Variants in RTN4 observed in about 807,000 individuals in gnomAD.
The protein encoded by RTN4 is reticulon 4.
RTN4 carries 32 observed loss-of-function variants against 90.4 expected under a neutral mutation model. The ratio of observed to expected loss-of-function variants is 0.35; its 90% CI spans 0.27 to 0.48. The LOEUF is 0.48. Among genes scored for constraint, RTN4 ranks in the 20% least tolerant of loss-of-function variants. The probability of loss-of-function intolerance (pLI) is 0.99; values close to 1 mark genes in which losing one functional copy is unlikely to be tolerated. For missense variants in RTN4, 1,706 were observed against 1,430.2 expected (o/e 1.19, Z -3.11); for synonymous variants, 629 against 552.5 (o/e 1.14, Z -1.94).
At chr2:55,074,105 C>G (rs1668560441) in intron 2 of RTN4, among the ~76,000 whole-genome samples, 1 of 152,176 alleles carries the variant, frequency 6.6e-6, no homozygotes, top group African/African-American at 2.4e-5. Context: ...GTCTCAGACA[C>G]CCATGTTTGA....
the RTN4 span, among the ~76,000 whole-genome samples, chr2:55,133,332 G>A: frequency 1.4e-5 from 2 of 140,926 alleles, no homozygotes; most frequent in African/African-American, 2.4e-5. Context: ...TGGAGAATGC[G>A]GTGTTGTCTT....
chr2:55,051,654 G>A (rs1206754633), upstream of RTN4, among the ~76,000 whole-genome samples: 1 of 152,182 alleles, frequency 6.6e-6, no homozygotes, highest in African/African-American at 2.4e-5. Flanking sequence ...GTACCTGACA[G>A]GTACTGGCTA....
intron 3 of RTN4, among the ~76,000 whole-genome samples, chr2:55,003,867 A>G (rs1029703070): frequency 1.6e-4 from 25 of 152,268 alleles, no homozygotes; most frequent in Admixed American, 1.4e-3. Context: ...ACCATTTTAT[A>G]TAAGAGACGT....
intron 3 of RTN4, among the ~76,000 whole-genome samples, chr2:55,021,790 C>A (rs1031482334): frequency 6.6e-6 from 1 of 152,078 alleles, no homozygotes; most frequent in Non-Finnish European, 1.5e-5. Context: ...CCTCAGGTCA[C>A]CTATATTGTT....
chr2:55,111,276 T>G (rs1668034163), intron 1 of RTN4, among the ~76,000 whole-genome samples: 1 of 152,064 alleles, frequency 6.6e-6, no homozygotes, highest in African/African-American at 2.4e-5. Flanking sequence ...CTTCCGAGAT[T>G]TTAAAAACAG....
intron 1 of RTN4, among the ~76,000 whole-genome samples, chr2:55,096,186 C>T (rs1212888434): frequency 6.6e-6 from 1 of 152,178 alleles, no homozygotes; most frequent in East Asian, 1.9e-4. Flanking sequence ...ATTAGCTGGG[C>T]GTGGTGGCGC....
chr2:54,994,861 A>C, intron 3 of RTN4, among the ~76,000 whole-genome samples: 1 of 152,370 alleles, frequency 6.6e-6, no homozygotes, highest in Middle Eastern at 3.4e-3. Context: ...GTGAAATGAC[A>C]TGTAACAGAA....
chr2:54,994,480 C>T (rs1679264145), intron 3 of RTN4, among the ~76,000 whole-genome samples: 1 of 152,188 alleles, frequency 6.6e-6, no homozygotes, highest in Admixed American at 6.5e-5. Flanking sequence ...ACAAAAACCA[C>T]ATGATCATCC....
At chr2:55,015,036 G>C (rs769108975) in intron 3 of RTN4, among the ~76,000 whole-genome samples, 15 of 152,246 alleles carry the variant, frequency 9.9e-5, no homozygotes, top group Admixed American at 2.0e-4. Context: ...TCATCTGTTA[G>C]TGCAAAACGA....
intron 2 of RTN4, among the ~76,000 whole-genome samples, chr2:55,063,035 G>GT (rs1179238686): frequency 6.6e-6 from 1 of 152,124 alleles, no homozygotes; most frequent in East Asian, 1.9e-4. Context: ...AGAAGCCTAG[G>GT]TCTCTTATGA....
At position 54,973,883 on chromosome 2, in the gene RTN4, T is replaced by C. The variant is rs199971209; in HGVS notation, c.3431-16A>G. 98 of 1,607,200 alleles carry C rather than the reference T, an allele frequency of 6.1e-5. No homozygotes were observed. Among genetic ancestry groups the C allele is most frequent in the Non-Finnish European group, 7.3e-5 (86 of 1,176,404 alleles). On this transcript the variant is annotated splice_polypyrimidine_tract_variant and intron_variant, in intron 6 of 8. Transcript: ENST00000337526. ...GAAATGAGAGCTGAAAAGGGAAATA[T>C]ACAACTTTTCAAAAAGAACGGAATG...
chr2:55,069,681 C>T (rs894788163), intron 2 of RTN4, among the ~76,000 whole-genome samples: 2 of 152,190 alleles, frequency 1.3e-5, no homozygotes, highest in African/African-American at 4.8e-5. Flanking sequence ...TAGAAGCTGG[C>T]AGATAAGCAG....
chr2:55,003,437 C>T (rs1485298633), intron 3 of RTN4, among the ~76,000 whole-genome samples: 3 of 152,048 alleles, frequency 2.0e-5, no homozygotes, highest in Admixed American at 6.6e-5. Context: ...GCAGCTGAAT[C>T]AAACAAACTT....
chr2:55,077,478 G>A (rs1668623722), intron 2 of RTN4, among the ~76,000 whole-genome samples: 1 of 152,154 alleles, frequency 6.6e-6, no homozygotes, highest in African/African-American at 2.4e-5. Flanking sequence ...AGATGTTAGT[G>A]TGGATGTGGT....
At chr2:55,048,010 A>G (rs1271966431) in intron 1 of RTN4, among the ~76,000 whole-genome samples, 2 of 152,210 alleles carry the variant, frequency 1.3e-5, no homozygotes, top group African/African-American at 4.8e-5. Flanking sequence ...ACTTACAGAA[A>G]CCTAGATGGT....
At chr2:55,106,049 T>C (rs1013121851) in intron 1 of RTN4, among the ~76,000 whole-genome samples, 1 of 152,162 alleles carries the variant, frequency 6.6e-6, no homozygotes, top group Non-Finnish European at 1.5e-5. Context: ...TAAAATATAC[T>C]TCACCTTTTC....
rs143438131 is a variant in RTN4, at chr2:55,041,539, C to T, written c.556+8206G>A. On this transcript the variant is annotated intron_variant, in intron 1 of 8. Coordinates refer to ENST00000337526, the MANE Select transcript of RTN4 (RefSeq NM_020532.5). Reference sequence around the variant, plus strand: ...GTGAACTGACAGATAAATGGAAAAGCAGAGGAAATATTTCACCCATACTAC... The same window carrying T: ...GTGAACTGACAGATAAATGGAAAAGTAGAGGAAATATTTCACCCATACTAC... 4.0e-3 allele frequency among the ~76,000 whole-genome samples: 605 copies of T among 152,082 alleles called. 4 individuals carry two copies. The highest frequency in any genetic ancestry group is 0.01 in the African/African-American group (422 of 41,498).
Position 54,973,028 on chromosome 2 carries a change from T to A in RTN4, c.*128A>T, listed in dbSNP as rs1025973893. The A allele has an allele frequency of 7.1e-6, 5 of 705,218 alleles. No individual in the cohort carries two copies. The highest frequency in any genetic ancestry group is 1.2e-5 in the Non-Finnish European group (5 of 417,776). The allele number at this position is 705,218 out of a possible 1,614,324, so 43.7% of individuals were successfully genotyped here. On this transcript the variant is annotated 3_prime_UTR_variant, in exon 9 of 9. Coordinates refer to ENST00000337526, the MANE Select transcript of RTN4 (RefSeq NM_020532.5). ...CCTCACAACAGTGCATGGCTAAAAA[T>A]AAAGATCTAACAACGATCTGTGAAA... is the stretch of plus-strand genomic sequence containing the variant.
At chr2:55,132,502 CAAA>C in the RTN4 span, among the ~76,000 whole-genome samples, 3 of 142,860 alleles carry the variant, frequency 2.1e-5, no homozygotes, top group Non-Finnish European at 4.5e-5. Flanking sequence ...GACTCTGTCT[CAAA>C]AAAAAAAAAA....
Sources: gnomAD v4.1 joint callset for allele counts (sites outside exome capture counted in the v4.1 genomes callset) on GRCh38, gnomAD v4.1.1 for gene constraint, MANE v1.5 for transcripts, NCBI Gene and HGNC (gene_info 2026-07-23, HGNC 2026-07-21) for gene names.